Variants in PTGFR observed in about 807,000 individuals in gnomAD.
The protein encoded by PTGFR is prostaglandin F2-alpha receptor.
A neutral mutation model predicts 26.2 loss-of-function variants in PTGFR; 15 were observed. The ratio of observed to expected loss-of-function variants is 0.57; its 90% CI spans 0.38 to 0.88. PTGFR has a LOEUF of 0.88. PTGFR is among the 40% of genes least tolerant of loss of function. The probability of loss-of-function intolerance (pLI) is 0.00; values close to 1 mark genes in which losing one functional copy is unlikely to be tolerated. For synonymous variants in PTGFR, 165 were observed against 151.1 expected (o/e 1.09, Z -0.68); for missense variants, 369 against 427.2 (o/e 0.86, Z 1.20).
At chr1:78,503,099 T>C (rs909382095) in intron 2 of PTGFR, among the ~76,000 whole-genome samples, 1 of 152,090 alleles carries the variant, frequency 6.6e-6, no homozygotes, top group African/African-American at 2.4e-5. Flanking sequence ...TTCCCAGAGA[T>C]ACGGAAGTGT....
At chr1:78,525,350 A>T (rs190326294) in intron 2 of PTGFR, among the ~76,000 whole-genome samples, 16 of 152,074 alleles carry the variant, frequency 1.1e-4, no homozygotes, top group African/African-American at 3.9e-4. Context: ...GAATTTGATG[A>T]TTTACTAGAA....
rs1649445335 is a variant in PTGFR at position 78,492,847 on chromosome 1, T to A, written c.104T>A (p.Ile35Asn). ...CGGCTTTCCGTATTTTTTTCAGTAA[T>A]CTTCATGACAGTGGGAATCTTGTCA... ...ENRLSVFFSVIFMTVGILSNS... is the reference protein window; with the variant it reads ...ENRLSVFFSVNFMTVGILSNS... The change falls in exon 2 of 3, where the codon ATC becomes AAC. Residue 35 changes from isoleucine (I) to asparagine (N), a missense_variant. By Grantham distance (149) the Ile-to-Asn change is moderately radical. Coordinates refer to ENST00000370757, the MANE Select transcript of PTGFR (RefSeq NM_000959.4). 1.2e-6 allele frequency: 2 copies of A among 1,614,090 alleles called. No homozygotes were observed. Among genetic ancestry groups the A allele is most frequent in the Non-Finnish European group, 1.7e-6 (2 of 1,180,046 alleles).
At chr1:78,504,933 G>A (rs945103188) in intron 2 of PTGFR, among the ~76,000 whole-genome samples, 1 of 151,816 alleles carries the variant, frequency 6.6e-6, no homozygotes, top group African/African-American at 2.4e-5. Context: ...TTAGCTTTAT[G>A]TACAATTATC....
chr1:78,539,415 G>T lies in PTGFR; in HGVS notation c.*2728G>T, dbSNP rs1178015848. 6.6e-6 allele frequency: 1 copy of T among 152,328 alleles called. No individual in the cohort carries two copies. The highest frequency in any genetic ancestry group is 2.4e-5 in the African/African-American group (1 of 41,396). The allele number at this position is 152,328 out of a possible 1,614,324, so 9.4% of individuals were successfully genotyped here. On this transcript the variant is annotated 3_prime_UTR_variant, in exon 3 of 3. Coordinates refer to ENST00000370757, the MANE Select transcript of PTGFR (RefSeq NM_000959.4). ...CTAGCTTCACCTGTATACCATCATTGTTCCAAATTAAATAACTGTTTTGGG... is the reference window on the plus strand; with the variant it reads ...CTAGCTTCACCTGTATACCATCATTTTTCCAAATTAAATAACTGTTTTGGG...
At chr1:78,534,503 A>G (rs1224088346) in intron 2 of PTGFR, among the ~76,000 whole-genome samples, 3 of 152,186 alleles carry the variant, frequency 2.0e-5, no homozygotes, top group Non-Finnish European at 4.4e-5. Flanking sequence ...GTAAAATAGT[A>G]TATCTCCACA....
At chr1:78,503,036 C>T (rs114426343) in intron 2 of PTGFR, among the ~76,000 whole-genome samples, 3 of 151,830 alleles carry the variant, frequency 2.0e-5, no homozygotes, top group Non-Finnish European at 4.4e-5. Context: ...TAAATGTAAT[C>T]GAAAGTCAAT....
At chr1:78,536,369 C>T in intron 2 of PTGFR, 37 bp from the exon 3 acceptor site, 1 of 1,567,920 alleles carries the variant, frequency 6.4e-7, no homozygotes, top group Non-Finnish European at 8.6e-7. Flanking sequence ...ATTGAAAAGG[C>T]TGCATCAACT....
At chr1:78,499,384 CT>C (rs1570271143) in intron 2 of PTGFR, among the ~76,000 whole-genome samples, 2 of 152,338 alleles carry the variant, frequency 1.3e-5, no homozygotes, top group East Asian at 3.9e-4. Flanking sequence ...GCTTTTGCCC[CT>C]AGCACGTAAG....
chr1:78,534,836 T>C (rs1650607214), intron 2 of PTGFR, among the ~76,000 whole-genome samples: 1 of 152,340 alleles, frequency 6.6e-6, no homozygotes, highest in Non-Finnish European at 1.5e-5. Flanking sequence ...TTCTGTTGGA[T>C]ACTTAGGTGG....
rs77505179 is a variant in PTGFR, at chr1:78,534,032, T to A, written c.799-2374T>A. Reference sequence around the variant, plus strand: ...GTTATCAGGTGAATTAATTTTTTCATAGAATATTCAAATACTTTGTCCTGT... The same window carrying A: ...GTTATCAGGTGAATTAATTTTTTCAAAGAATATTCAAATACTTTGTCCTGT... On this transcript the variant is annotated intron_variant, in intron 2 of 2. Transcript: ENST00000370757. Among the ~76,000 whole-genome samples the A allele has an allele frequency of 2.6e-5, 4 of 152,312 alleles. No homozygotes were observed. In the South Asian group the frequency reaches 8.3e-4, roughly 32 times the overall value.
chr1:78,502,081 A>G (rs1419010606), intron 2 of PTGFR, among the ~76,000 whole-genome samples: 1 of 152,198 alleles, frequency 6.6e-6, no homozygotes, highest in Non-Finnish European at 1.5e-5. Context: ...AGCTTCAGAA[A>G]ACTTGAACAT....
chr1:78,507,575 T>G (rs984845621), intron 2 of PTGFR, among the ~76,000 whole-genome samples: 1 of 152,204 alleles, frequency 6.6e-6, no homozygotes, highest in African/African-American at 2.4e-5. Context: ...TTGCAGAGCC[T>G]AATACAGGAC....
rs1649775932 is a variant in PTGFR, at chr1:78,504,279, T to C, written c.798+10738T>C. On this transcript the variant is annotated intron_variant, in intron 2 of 2. Coordinates refer to ENST00000370757, the MANE Select transcript of PTGFR (RefSeq NM_000959.4). The stretch of plus-strand genomic sequence containing the variant: ...TCCCACTACCCAGAAATAACTACTG[T>C]TAGTATTCTGGGTGCATCTATCTTT... Among the ~76,000 whole-genome samples, 6 of 152,188 alleles carry C rather than the reference T, an allele frequency of 3.9e-5. No homozygotes were observed. In the South Asian group the frequency reaches 1.0e-3, roughly 26 times the overall value.
chr1:78,513,265 G>A (rs1650015380), intron 2 of PTGFR, among the ~76,000 whole-genome samples: 1 of 152,166 alleles, frequency 6.6e-6, no homozygotes, highest in Non-Finnish European at 1.5e-5. Flanking sequence ...TGATTACATG[G>A]TTGTGACCAA....
At chr1:78,516,763 T>G (rs1320932456) in intron 2 of PTGFR, among the ~76,000 whole-genome samples, 1 of 152,146 alleles carries the variant, frequency 6.6e-6, no homozygotes, top group African/African-American at 2.4e-5. Flanking sequence ...TTTTTTCCTT[T>G]GAGAAGTCGT....
At chr1:78,505,333 G>T (rs972672034) in intron 2 of PTGFR, among the ~76,000 whole-genome samples, 33 of 152,040 alleles carry the variant, frequency 2.2e-4, no homozygotes, top group Admixed American at 3.9e-4. Flanking sequence ...ACGTTGGCAA[G>T]GCTGGTCTCA....
At chr1:78,495,876 G>A in intron 2 of PTGFR, among the ~76,000 whole-genome samples, 1 of 152,100 alleles carries the variant, frequency 6.6e-6, no homozygotes, top group Non-Finnish European at 1.5e-5. Context: ...TGGAAACAAA[G>A]TTTCACTTTT....
chr1:78,501,401 G>A (rs1378762268), intron 2 of PTGFR, among the ~76,000 whole-genome samples: 1 of 152,160 alleles, frequency 6.6e-6, no homozygotes, highest in African/African-American at 2.4e-5. Context: ...CATCCAACAG[G>A]ATAAGTTTGT....
At chr1:78,513,836 G>T (rs11162501) in intron 2 of PTGFR, among the ~76,000 whole-genome samples, 1,552 of 152,316 alleles carry the variant, frequency 0.01, 28 homozygotes, top group African/African-American at 0.036. Flanking sequence ...CAGGGTGCCC[G>T]GACTCCACCT....
Sources: allele counts gnomAD v4.1 joint callset (sites outside exome capture counted in the v4.1 genomes callset), GRCh38; gene constraint gnomAD v4.1.1; transcripts MANE v1.5; gene names NCBI Gene and HGNC (gene_info 2026-07-23, HGNC 2026-07-21).